DOCK9: variants seen among roughly 807,000 people sequenced by gnomAD.
DOCK9 encodes dedicator of cytokinesis 9.
DOCK9 carries 89 observed loss-of-function variants against 263.3 expected under a neutral mutation model. That is an observed-to-expected ratio of 0.34 (90% CI 0.28 to 0.40). The LOEUF is 0.40. Among genes scored for constraint, DOCK9 ranks in the 10% least tolerant of loss-of-function variants. The probability of loss-of-function intolerance (pLI) is 1.00; values close to 1 mark genes in which losing one functional copy is unlikely to be tolerated. For missense variants in DOCK9, 2,140 were observed against 2,603.4 expected (o/e 0.82, Z 3.87); for synonymous variants, 976 against 973.1 (o/e 1.00, Z -0.06).
chr13:98,847,148 T>C, intron 37 of DOCK9: 1 of 158,182 alleles, frequency 6.3e-6, no homozygotes, highest in Admixed American at 5.9e-5. Flanking sequence ...AATCTTCAGC[T>C]TCTCACATTC....
intron 13 of DOCK9, among the ~76,000 whole-genome samples, 164 bp from the exon 14 acceptor site, chr13:98,898,425 G>A (rs998588555): frequency 5.9e-5 from 9 of 152,224 alleles, no homozygotes; most frequent in African/African-American, 2.2e-4. Flanking sequence ...CACACTCTGT[G>A]CAGAGTACTT....
chr13:99,008,763 CACTT>C (rs928163314), intron 1 of DOCK9, among the ~76,000 whole-genome samples: 3 of 152,186 alleles, frequency 2.0e-5, no homozygotes, highest in Admixed American at 1.3e-4. Flanking sequence ...CCAGTGTCCT[CACTT>C]GAGTTGGCGG....
Position 98,856,006 on chromosome 13 carries a change from T to G in DOCK9, c.3723A>C (p.Pro1241=). Reference sequence around the variant, plus strand: ...CAGCATTTCTCACACTGTTGATGTTTGGAGTTGAGGTTGTATATGGAGAAG... The same window carrying G: ...CAGCATTTCTCACACTGTTGATGTTGGGAGTTGAGGTTGTATATGGAGAAG... ...GIASPYTTST[P]NINSVRNADS... The change falls in exon 34 of 53, where the codon CCA becomes CCC. Residue 1241 remains proline (P), a synonymous_variant. Coordinates refer to ENST00000682017, the MANE Select transcript of DOCK9 (RefSeq NM_001366683.2). 6.2e-7 allele frequency: 1 copy of G among 1,613,942 alleles called. No homozygotes were observed. The highest frequency in any genetic ancestry group is 8.5e-7 in the Non-Finnish European group (1 of 1,179,852).
At chr13:99,018,383 T>C (rs1771747007) in intron 1 of DOCK9, among the ~76,000 whole-genome samples, 1 of 152,220 alleles carries the variant, frequency 6.6e-6, no homozygotes, top group Non-Finnish European at 1.5e-5. Context: ...TGAAGACCCT[T>C]ACCAGCTGCT....
In DOCK9 at chr13:98,943,523, G is replaced by A. The variant is rs186623349; in HGVS notation, c.243+11912C>T. ...TTTCCATTTCCTTTAAGGACTCTTCGTTTGTGTGTGTTCGTTTTTGCATGC... is the reference window on the plus strand; with the variant it reads ...TTTCCATTTCCTTTAAGGACTCTTCATTTGTGTGTGTTCGTTTTTGCATGC... On this transcript the variant is annotated intron_variant, in intron 2 of 52. Coordinates refer to ENST00000682017, the MANE Select transcript of DOCK9 (RefSeq NM_001366683.2). 4.0e-5 allele frequency among the ~76,000 whole-genome samples: 6 copies of A among 151,476 alleles called. No individual in the cohort carries two copies. The East Asian group carries it at 5.8e-4, about 15-fold the overall frequency.
chr13:98,962,209 GGAA>G (rs1354971399), intron 1 of DOCK9, among the ~76,000 whole-genome samples: 1 of 152,156 alleles, frequency 6.6e-6, no homozygotes, highest in African/African-American at 2.4e-5. Flanking sequence ...AAAACTATAG[GGAA>G]GTAGTATGGA....
intron 35 of DOCK9, among the ~76,000 whole-genome samples, chr13:98,851,670 A>G (rs1450786129): frequency 4.6e-5 from 7 of 152,212 alleles, no homozygotes. Flanking sequence ...GGAATAAATG[A>G]AAGAGTAGCT....
rs74328268 is a variant in DOCK9, at chr13:99,056,250, A to G, written c.129+29973T>C. 5.2e-3 allele frequency among the ~76,000 whole-genome samples: 792 copies of G among 152,294 alleles called. 20 individuals carry two copies. Among genetic ancestry groups the G allele is most frequent in the East Asian group, 0.031 (162 of 5,178 alleles). ...GTGAGATGTTTCACCATACAAACTA[A>G]TAACAGGCAATTCAGCTTCCCTGGC... On this transcript the variant is annotated intron_variant, in intron 1 of 32. Coordinates refer to the DOCK9 transcript ENST00000427887.
At chr13:98,994,863 A>G (rs556973301) in intron 1 of DOCK9, among the ~76,000 whole-genome samples, 1 of 152,344 alleles carries the variant, frequency 6.6e-6, no homozygotes, top group East Asian at 1.9e-4. Context: ...TGTCAAATAT[A>G]TAATTATTAC....
chr13:98,882,590 G>T (rs1383086004), intron 23 of DOCK9, among the ~76,000 whole-genome samples: 2 of 152,020 alleles, frequency 1.3e-5, no homozygotes, highest in Non-Finnish European at 2.9e-5. Flanking sequence ...GCTTAGACAC[G>T]CCAGGAACCC....
At chr13:98,961,894 T>C (rs1377626462) in intron 1 of DOCK9, among the ~76,000 whole-genome samples, 1 of 152,166 alleles carries the variant, frequency 6.6e-6, no homozygotes, top group Admixed American at 6.5e-5. Flanking sequence ...TTCAGACATG[T>C]TCTAAGGTAT....
intron 38 of DOCK9, among the ~76,000 whole-genome samples, chr13:98,840,771 T>C (rs891913630): frequency 3.9e-5 from 6 of 152,242 alleles, no homozygotes; most frequent in African/African-American, 9.6e-5. Flanking sequence ...CACTTCCATG[T>C]TGATAGCCAC....
intron 46 of DOCK9, 138 bp downstream of exon 46, chr13:98,810,031 A>C (rs918295769): frequency 2.5e-5 from 30 of 1,214,468 alleles, no homozygotes; most frequent in Non-Finnish European, 3.4e-5. Context: ...CACCACCTTC[A>C]GCGTAACGTG....
At chr13:98,963,796 T>C (rs940754976) in intron 1 of DOCK9, among the ~76,000 whole-genome samples, 3 of 152,170 alleles carry the variant, frequency 2.0e-5, no homozygotes, top group Non-Finnish European at 2.9e-5. Flanking sequence ...TTGCTGGGGA[T>C]AGGAAAAAGG....
intron 2 of DOCK9, among the ~76,000 whole-genome samples, chr13:98,948,393 A>G (rs2056988305): frequency 6.6e-6 from 1 of 152,288 alleles, no homozygotes; most frequent in Admixed American, 6.5e-5. Flanking sequence ...TATATAGGTA[A>G]TACACCATGA....
At chr13:98,931,138 T>C (rs2053850827) in intron 2 of DOCK9, among the ~76,000 whole-genome samples, 1 of 152,174 alleles carries the variant, frequency 6.6e-6, no homozygotes, top group South Asian at 2.1e-4. Context: ...CTATGAACTG[T>C]GAATGCTACC....
chr13:98,889,003 A>G lies in DOCK9; in HGVS notation c.1710-292T>C, dbSNP rs1009389964. Among the ~76,000 whole-genome samples, 18 of 152,362 alleles carry G rather than the reference A, an allele frequency of 1.2e-4. No homozygotes were observed. The South Asian group carries it at 2.1e-3, about 18-fold the overall frequency. On this transcript the variant is annotated intron_variant, in intron 15 of 52. Coordinates refer to ENST00000682017, the MANE Select transcript of DOCK9 (RefSeq NM_001366683.2). Reference sequence around the variant, plus strand: ...ATTACTGGTTTTATACTTAAAGCACATCTCAATTCAGACGTCCTGTATTTC... The same window carrying G: ...ATTACTGGTTTTATACTTAAAGCACGTCTCAATTCAGACGTCCTGTATTTC...
intron 27 of DOCK9, among the ~76,000 whole-genome samples, chr13:98,877,952 G>A (rs1249728938): frequency 6.6e-6 from 1 of 152,130 alleles, no homozygotes; most frequent in Non-Finnish European, 1.5e-5. Flanking sequence ...GCTGACCTGT[G>A]CCCCCCTCGA....
chr13:98,871,850 T>C (rs9517471), intron 27 of DOCK9: 90,606 of 152,812 alleles, frequency 0.59, 27,123 homozygotes, highest in Admixed American at 0.67. Context: ...TCAGCCTCTC[T>C]AGCCACATGC....
Sources: gnomAD v4.1 joint callset for allele counts (sites outside exome capture counted in the v4.1 genomes callset) on GRCh38, gnomAD v4.1.1 for gene constraint, MANE v1.5 for transcripts, NCBI Gene and HGNC (gene_info 2026-07-23, HGNC 2026-07-21) for gene names.